The following HTT variants were observed in gnomAD, a reference collection of about 807,000 sequenced individuals.
HTT encodes huntington disease protein.
HTT carries 104 observed loss-of-function variants against 362.3 expected under a neutral mutation model. The ratio of observed to expected loss-of-function variants is 0.29; its 90% CI spans 0.24 to 0.34. The LOEUF is 0.34. HTT is among the 10% of genes least tolerant of loss of function. The probability of loss-of-function intolerance (pLI) is 1.00; values close to 1 mark genes in which losing one functional copy is unlikely to be tolerated. For synonymous variants in HTT, 1,577 were observed against 1,548.7 expected (o/e 1.02, Z -0.43); for missense variants, 3,301 against 3,928.6 (o/e 0.84, Z 4.27).
chr4:3,135,964 A>C lies in HTT; in HGVS notation c.2694A>C (p.Thr898=), dbSNP rs1459742391. The C allele has an allele frequency of 5.6e-6, 9 of 1,594,098 alleles. No homozygotes were observed. Among genetic ancestry groups the C allele is most frequent in the South Asian group, 1.1e-5 (1 of 87,072 alleles). ...ENLHRGAHHY[T]GLLKLQERVL... The stretch of plus-strand genomic sequence containing the variant: ...TACACAGAGGGGCTCATCATTATAC[A>C]GGGGTAAGCGGTTTATTTTTGTGAG... The change falls in exon 20 of 67, where the codon ACA becomes ACC. Residue 898 remains threonine (T), a synonymous_variant. Coordinates refer to ENST00000355072, the MANE Select transcript of HTT (RefSeq NM_001388492.1).
At position 3,107,333 on chromosome 4, in the gene HTT, A is replaced by C; in HGVS notation, c.657A>C (p.Arg219Ser). The part of the protein sequence containing the change: ...LLPCLTRTSK[R>S]PEESVQETLA... ...CGTGCCTGACTCGAACAAGCAAGAG[A>C]CCCGAAGAATCAGTCCAGGAGACCT... Residue 219 changes from arginine to serine, a missense_variant, in exon 6 of 67, where the codon AGA (arginine) becomes AGC (serine). Arg to Ser is a moderately radical substitution (Grantham distance 110). Coordinates refer to ENST00000355072, the MANE Select transcript of HTT (RefSeq NM_001388492.1). The C allele has an allele frequency of 3.1e-6, 5 of 1,614,182 alleles. No homozygotes were observed. Among genetic ancestry groups the C allele is most frequent in the Non-Finnish European group, 4.2e-6 (5 of 1,180,022 alleles).
In HTT at chr4:3,131,742, T is replaced by C. The variant is rs1290834438; in HGVS notation, c.2203T>C (p.Tyr735His). ...CCCGGAATCTTTCTTCAGCAAACTC[T>C]ATAAAGTTCCTCTTGACACCACGGA... is the stretch of plus-strand genomic sequence containing the variant. ...LHPESFFSKL[Y>H]KVPLDTTEYP... Residue 735 changes from tyrosine (Y) to histidine (H), a missense_variant, in exon 16 of 67, where the codon TAT becomes CAT. By Grantham distance (83) the Tyr-to-His change is moderately conservative. Transcript: ENST00000355072. 6 of 1,614,038 alleles carry C rather than the reference T, an allele frequency of 3.7e-6. No homozygotes were observed. Among genetic ancestry groups the C allele is most frequent in the African/African-American group, 1.3e-5 (1 of 74,934 alleles).
In HTT at chr4:3,206,831, C is replaced by G. The variant is rs764742757; in HGVS notation, c.5923C>G (p.Gln1975Glu). ...STPTMLKKTL[Q>E]CLEGIHLSQS... ...GCCAACCATGCTGAAGAAAACTCTT[C>G]AGTGCTTGGAGGGGATCCATCTCAG... Residue 1975 changes from glutamine (Q) to glutamate (E), a missense_variant, in exon 44 of 67, where the codon CAG (glutamine) becomes GAG (glutamate). By Grantham distance (29) the Gln-to-Glu change is conservative. Coordinates refer to ENST00000355072, the MANE Select transcript of HTT (RefSeq NM_001388492.1). The surrounding 1 kb of genome is among the most constrained non-coding windows in gnomAD (Gnocchi z 4.6). 1 of 1,605,070 alleles carries G rather than the reference C, an allele frequency of 6.2e-7. No homozygotes were observed. Among genetic ancestry groups the G allele is most frequent in the South Asian group, 1.1e-5 (1 of 89,900 alleles).
intron 24 of HTT, 122 bp downstream of exon 24, chr4:3,145,350 A>G: frequency 1.4e-6 from 1 of 712,054 alleles, no homozygotes. Flanking sequence ...TTGGAAAAAT[A>G]TCTGATGGAA....
intron 66 of HTT, 87 bp downstream of exon 66, chr4:3,239,065 C>T: frequency 7.2e-7 from 1 of 1,386,060 alleles, no homozygotes; most frequent in East Asian, 2.5e-5. Context: ...GAAACCTAAC[C>T]TTTGCAAAAA....
chr4:3,128,787 A>G (rs1715643341), intron 12 of HTT: 4 of 152,214 alleles, frequency 2.6e-5, no homozygotes, highest in Admixed American at 2.6e-4. Flanking sequence ...GTAACATAAA[A>G]TTTATGTTCT....
In HTT at chr4:3,173,022, G is replaced by T; in HGVS notation, c.4057G>T (p.Gly1353Cys). 6.2e-7 allele frequency: 1 copy of T among 1,614,132 alleles called. No individual in the cohort carries two copies. Among genetic ancestry groups the T allele is most frequent in the Non-Finnish European group, 8.5e-7 (1 of 1,180,026 alleles). ...QRLGSSSVRP[G>C]LYHYCFMAPY... Reference sequence around the variant, plus strand: ...CCTTGGCTCCTCCAGTGTGAGGCCAGGCTTGTACCACTACTGCTTCATGGC... The same window carrying T: ...CCTTGGCTCCTCCAGTGTGAGGCCATGCTTGTACCACTACTGCTTCATGGC... Residue 1353 changes from glycine (G) to cysteine (C), a missense_variant, in exon 31 of 67, where the codon GGC (glycine) becomes TGC (cysteine). Gly to Cys is a radical substitution (Grantham distance 159). Transcript: ENST00000355072.
At chr4:3,096,742 T>C (rs1389270362) in intron 2 of HTT, among the ~76,000 whole-genome samples, 1 of 152,340 alleles carries the variant, frequency 6.6e-6, no homozygotes, top group East Asian at 1.9e-4. Flanking sequence ...ATTAAATGCC[T>C]GTTTTAGGAA....
intron 29 of HTT, among the ~76,000 whole-genome samples, chr4:3,162,353 G>C (rs566390847): frequency 7.2e-4 from 110 of 152,310 alleles, no homozygotes; most frequent in Non-Finnish European, 1.2e-3. Flanking sequence ...AAGTCAGGTA[G>C]TGTGATGCCT....
intron 44 of HTT, 72 bp downstream of exon 44, chr4:3,207,055 CT>C: frequency 2.1e-6 from 3 of 1,414,648 alleles, no homozygotes; most frequent in East Asian, 2.4e-5. Flanking sequence ...AGGTGGCTGG[CT>C]TTTTCCTCCG....
chr4:3,212,634 C>A lies in HTT; in HGVS notation c.6699C>A (p.Ser2233=). 6.2e-7 allele frequency: 1 copy of A among 1,614,218 alleles called. No individual in the cohort carries two copies. The highest frequency in any genetic ancestry group is 8.5e-7 in the Non-Finnish European group (1 of 1,180,040). ...TGGCACAGTACCTGGTGGTGGTCTC[C>A]AAACTGCCCAGTCATTTGCACCTTC... ...RALAQYLVVV[S]KLPSHLHLPP... is the part of the protein sequence containing the mutation. The change falls in exon 49 of 67, where the codon TCC becomes TCA. Residue 2233 remains serine, a synonymous_variant. Transcript: ENST00000355072.
rs1333193602 is a variant in HTT, at chr4:3,132,674, C to T, written c.2349C>T (p.Ser783=). The T allele has an allele frequency of 6.2e-7, 1 of 1,614,152 alleles. No individual in the cohort carries two copies. Among genetic ancestry groups the T allele is most frequent in the Admixed American group, 1.7e-5 (1 of 60,022 alleles). ...TCATCTGCTCCATCCTCAGCAGGTCCCGCTTCCACGTGGGAGATTGGATGG... is the reference window on the plus strand; with the variant it reads ...TCATCTGCTCCATCCTCAGCAGGTCTCGCTTCCACGTGGGAGATTGGATGG... ...GTLICSILSR[S]RFHVGDWMGT... Residue 783 remains serine, a synonymous_variant, in exon 17 of 67, where the codon TCC becomes TCT. Coordinates refer to ENST00000355072, the MANE Select transcript of HTT (RefSeq NM_001388492.1).
At chr4:3,133,124 A>G (rs189500276) in intron 18 of HTT, among the ~76,000 whole-genome samples, 2 of 152,292 alleles carry the variant, frequency 1.3e-5, no homozygotes, top group South Asian at 2.1e-4. Context: ...AATTCTCAGA[A>G]TATTTGTTTG....
intron 33 of HTT, 55 bp from the exon 34 acceptor site, chr4:3,177,277 G>C (rs1307060841): frequency 1.9e-5 from 23 of 1,221,668 alleles, no homozygotes; most frequent in Non-Finnish European, 2.5e-5. Context: ...AAAGAAGCCT[G>C]GTTTTTACAT....
At chr4:3,096,272 A>G (rs1713851977) in intron 2 of HTT, among the ~76,000 whole-genome samples, 1 of 152,260 alleles carries the variant, frequency 6.6e-6, no homozygotes, top group Admixed American at 6.5e-5. Context: ...ACAAATCCAC[A>G]GTGATAGAGA....
Position 3,173,058 on chromosome 4 carries a change from C to T in HTT, c.4093C>T (p.His1365Tyr). Residue 1365 changes from histidine (H) to tyrosine (Y), a missense_variant, in exon 31 of 67, where the codon CAC (histidine) becomes TAC (tyrosine). By Grantham distance (83) the His-to-Tyr change is moderately conservative. Coordinates refer to ENST00000355072, the MANE Select transcript of HTT (RefSeq NM_001388492.1). The part of the protein sequence containing the change: ...YHYCFMAPYT[H>Y]FTQALADASL... ...CTACTGCTTCATGGCCCCGTACACC[C>T]ACTTCACCCAGGCCCTCGCTGACGC... The T allele has an allele frequency of 6.2e-7, 1 of 1,614,152 alleles. No homozygotes were observed. The highest frequency in any genetic ancestry group is 8.5e-7 in the Non-Finnish European group (1 of 1,180,046).
Position 3,174,812 on chromosome 4 carries a change from G to T in HTT, c.4245+13G>T, listed in dbSNP as rs746979226. On this transcript the variant is annotated intron_variant, in intron 32 of 66. Coordinates refer to ENST00000355072, the MANE Select transcript of HTT (RefSeq NM_001388492.1). ...CCGTGCAGATAAGGTAAATGGTGCC[G>T]TTTGTGGCATGTGAACTCAGGCGTG... is the stretch of plus-strand genomic sequence containing the variant. 1.2e-6 allele frequency: 2 copies of T among 1,612,368 alleles called. No individual in the cohort carries two copies. Among genetic ancestry groups the T allele is most frequent in the African/African-American group, 2.7e-5 (2 of 74,910 alleles).
chr4:3,199,618 C>A (rs142931733), intron 40 of HTT, 114 bp from the exon 41 acceptor site: 2 of 829,436 alleles, frequency 2.4e-6, no homozygotes, highest in Non-Finnish European at 1.9e-6. Flanking sequence ...GTTCTGAATA[C>A]GTAAGTATGG....
At chr4:3,102,105 C>T (rs1220937917) in intron 3 of HTT, among the ~76,000 whole-genome samples, 3 of 152,018 alleles carry the variant, frequency 2.0e-5, no homozygotes, top group African/African-American at 4.8e-5. Context: ...AAGAGTGACC[C>T]GGTGAGGACG....
Sources: allele counts gnomAD v4.1 joint callset (sites outside exome capture counted in the v4.1 genomes callset), GRCh38; gene constraint gnomAD v4.1.1; non-coding constraint Gnocchi (gnomAD v3.1); transcripts MANE v1.5; gene names NCBI Gene and HGNC (gene_info 2026-07-23, HGNC 2026-07-21).